Variants in DMD observed in about 807,000 individuals in gnomAD.
The protein encoded by DMD is mutant dystrophin.
A neutral mutation model predicts 330.1 loss-of-function variants in DMD; 63 were observed. The observed-to-expected ratio is 0.19, with a 90% CI of 0.16 to 0.24. DMD has a LOEUF of 0.24. Among genes scored for constraint, DMD ranks in the 10% least tolerant of loss-of-function variants. The pLI, the probability that DMD is intolerant of heterozygous loss-of-function variation, is 1.00. For missense variants in DMD, 3,344 were observed against 2,684.1 expected (o/e 1.25, Z -5.43); for synonymous variants, 1,223 against 959.8 (o/e 1.27, Z -5.07).
At chrX:32,532,213 C>A (rs2047546755) in intron 17 of DMD, among the ~76,000 whole-genome samples, 1 of 111,477 alleles carries the variant, frequency 9.0e-6, no homozygotes, top group African/African-American at 3.3e-5. Flanking sequence ...TTAAAGAAAT[C>A]TTTTCAGTGA....
chrX:31,865,921 G>T (rs73466009), intron 48 of DMD, among the ~76,000 whole-genome samples: 7,126 of 110,901 alleles, frequency 0.064, 210 homozygotes, highest in African/African-American at 0.1. Context: ...CTTTCCTCCA[G>T]GAGACATTCT....
intron 44 of DMD, chrX:32,035,507 T>C (rs969634303): frequency 7.0e-6 from 2 of 287,160 alleles, no homozygotes; most frequent in Admixed American, 4.1e-5. Flanking sequence ...CCAGTTCTTA[T>C]CCTACCGTAA....
intron 26 of DMD, among the ~76,000 whole-genome samples, chrX:32,453,192 C>T (rs779596580): frequency 9.0e-5 from 10 of 110,771 alleles, no homozygotes; most frequent in East Asian, 8.5e-4. Context: ...CCTCACCACA[C>T]GCTAGAACAC....
At chrX:33,217,409 A>G (rs781460213) in intron 1 of DMD, among the ~76,000 whole-genome samples, 1 of 111,966 alleles carries the variant, frequency 8.9e-6, no homozygotes, top group South Asian at 3.7e-4. Flanking sequence ...CTCCAATTCC[A>G]TTAATACAGT....
chrX:32,911,770 C>T (rs888242256), intron 2 of DMD, among the ~76,000 whole-genome samples: 1 of 111,128 alleles, frequency 9.0e-6, no homozygotes, highest in African/African-American at 3.3e-5. Context: ...ATTGGTGTAA[C>T]CAATTTTAAA....
chrX:33,023,825 T>C (rs2093955012), intron 1 of DMD, among the ~76,000 whole-genome samples: 1 of 111,484 alleles, frequency 9.0e-6, no homozygotes, highest in Admixed American at 9.6e-5. Context: ...GCATATAGTT[T>C]CATAGAGTTC....
chrX:32,844,917 G>A (rs2080523068), intron 3 of DMD, 57 bp from the exon 4 acceptor site: 3 of 936,836 alleles, frequency 3.2e-6, no homozygotes, highest in Admixed American at 4.5e-5. Context: ...CAATCTACTA[G>A]AAATGAAACC....
At position 32,509,140 on chromosome X, in the gene DMD, A is replaced by G. The variant is rs780990719; in HGVS notation, c.2293-7298T>C. 1.4e-4 allele frequency among the ~76,000 whole-genome samples: 15 copies of G among 106,383 alleles called. No individual in the cohort carries two copies. The South Asian group carries it at 6.7e-3, about 47-fold the overall frequency. 92.4% of individuals were successfully genotyped at this position (106,383 alleles called of 115,157 possible). On this transcript the variant is annotated intron_variant, in intron 18 of 78. Transcript: ENST00000357033. ...AACATTTTTGACACAAGAGATGATGAGAGTACCTTGTTCGTGGAAATGTCC... is the reference window on the plus strand; with the variant it reads ...AACATTTTTGACACAAGAGATGATGGGAGTACCTTGTTCGTGGAAATGTCC...
intron 47 of DMD, among the ~76,000 whole-genome samples, chrX:31,881,883 T>C (rs189163731): frequency 1.8e-5 from 2 of 112,359 alleles, no homozygotes; most frequent in Admixed American, 1.9e-4. Context: ...TATATGTTGC[T>C]AGTAATTTGG....
At chrX:31,861,637 CCT>C (rs1491193958) in intron 48 of DMD, among the ~76,000 whole-genome samples, 3 of 54,271 alleles carry the variant, frequency 5.5e-5, no homozygotes, top group South Asian at 9.0e-4. Flanking sequence ...AAAATAATCA[CCT>C]GTGTGTGTGT....
chrX:31,821,338 GTGTTGATGCTGAT>G (rs2092753571), intron 49 of DMD, among the ~76,000 whole-genome samples: 1 of 112,468 alleles, frequency 8.9e-6, no homozygotes, highest in South Asian at 3.6e-4. Context: ...TTTCCAGGTG[GTGTTGATGCTGAT>G]TGTTCATGAC....
chrX:32,820,991 G>A (rs766946172), intron 5 of DMD, among the ~76,000 whole-genome samples: 7 of 111,165 alleles, frequency 6.3e-5, no homozygotes, highest in East Asian at 2.9e-4. Flanking sequence ...GGAGAGATGC[G>A]GTATGTTGCT....
rs761876945 is a variant in DMD at position 31,697,342 on chromosome X, T to C, written c.7661-17756A>G. 3.6e-5 allele frequency among the ~76,000 whole-genome samples: 4 copies of C among 112,062 alleles called. No individual in the cohort carries two copies. The South Asian group carries it at 1.5e-3, about 42-fold the overall frequency. On this transcript the variant is annotated intron_variant, in intron 52 of 78. Transcript: ENST00000357033. ...CAGACAATCTGTGCATGTTTGTAAT[T>C]GAAGAGCTACCCAATGTACACATTT...
At chrX:31,798,614 A>G (rs1056727829) in intron 50 of DMD, among the ~76,000 whole-genome samples, 21 of 111,315 alleles carry the variant, frequency 1.9e-4, no homozygotes, top group African/African-American at 5.9e-4. Context: ...TCATTTGACA[A>G]CAGACACTCT....
chrX:31,943,926 AG>A (rs1242414928), intron 45 of DMD, among the ~76,000 whole-genome samples: 8 of 102,786 alleles, frequency 7.8e-5, no homozygotes, highest in African/African-American at 3.0e-4. Context: ...AGAGAGAGAG[AG>A]AAAAGGGAAC....
intron 44 of DMD, among the ~76,000 whole-genome samples, chrX:32,150,396 A>G (rs2096798304): frequency 1.8e-5 from 2 of 111,728 alleles, no homozygotes; most frequent in African/African-American, 6.5e-5. Flanking sequence ...ATTGCCAATC[A>G]TTTTTCCTAT....
chrX:31,207,664 G>A (rs2044227238), intron 65 of DMD, among the ~76,000 whole-genome samples: 1 of 111,897 alleles, frequency 8.9e-6, no homozygotes, highest in African/African-American at 3.3e-5. Context: ...CTAAGTGGAA[G>A]CTAAATGATG....
rs759698623 is a variant in DMD at position 32,429,296 on chromosome X, G to A, written c.4071+8945C>T. On this transcript the variant is annotated intron_variant, in intron 29 of 78. Coordinates refer to ENST00000357033, the MANE Select transcript of DMD (RefSeq NM_004006.3). The stretch of plus-strand genomic sequence containing the variant: ...ATGATCTCAGCTCACTGCAACTTCC[G>A]TTCCCTGGGTTCAAGTGATTCTCCT... Among the ~76,000 whole-genome samples, 275 of 86,342 alleles carry A rather than the reference G, an allele frequency of 3.2e-3. 2 individuals carry two copies. The highest frequency in any genetic ancestry group is 0.012 in the African/African-American group (264 of 21,580). The allele number at this position is 86,342 out of a possible 115,157, so 75.0% of individuals were successfully genotyped here.
chrX:31,954,607 G>T (rs1302298719), intron 45 of DMD, among the ~76,000 whole-genome samples: 4 of 110,837 alleles, frequency 3.6e-5, no homozygotes, highest in Non-Finnish European at 7.5e-5. Flanking sequence ...AGAACTGGAG[G>T]TAATTATTTT....
Sources: gnomAD v4.1 joint callset for allele counts (sites outside exome capture counted in the v4.1 genomes callset) on GRCh38, gnomAD v4.1.1 for gene constraint, MANE v1.5 for transcripts, NCBI Gene and HGNC (gene_info 2026-07-23, HGNC 2026-07-21) for gene names.